Variants in EHMT1 observed in about 807,000 individuals in gnomAD.
EHMT1 encodes the protein euchromatic histone lysine methyltransferase 1.
A neutral mutation model predicts 147.2 loss-of-function variants in EHMT1; 15 were observed. That is an observed-to-expected ratio of 0.10 (90% CI 0.07 to 0.16). The LOEUF (loss-of-function observed/expected upper bound fraction) is 0.16. EHMT1 is among the 10% of genes least tolerant of loss of function. EHMT1 has a pLI of 1.00. For synonymous variants in EHMT1, 795 were observed against 709.6 expected (o/e 1.12, Z -1.91); for missense variants, 1,587 against 1,772.4 (o/e 0.90, Z 1.88).
At chr9:137,695,201 C>T (rs1163542187) in intron 1 of EHMT1, among the ~76,000 whole-genome samples, 1 of 152,234 alleles carries the variant, frequency 6.6e-6, no homozygotes, top group African/African-American at 2.4e-5. Flanking sequence ...GTAAGGAGCA[C>T]TTAGACTGCT....
At chr9:137,715,795 T>C (rs1453315946) in intron 2 of EHMT1, 1 of 985,268 alleles carries the variant, frequency 1.0e-6, no homozygotes. Flanking sequence ...TTTTCTCTGT[T>C]AGTTATTGTG....
chr9:137,802,720 C>G, intron 18 of EHMT1: 1 of 946,126 alleles, frequency 1.1e-6, no homozygotes, highest in Non-Finnish European at 1.4e-6. Flanking sequence ...CCCGCTGCCT[C>G]CCTGCAGGCA....
At chr9:137,725,192 G>A (rs1253096866) in intron 3 of EHMT1, among the ~76,000 whole-genome samples, 1 of 151,066 alleles carries the variant, frequency 6.6e-6, no homozygotes, top group East Asian at 2.0e-4. Flanking sequence ...CAGACGTGGG[G>A]CAGGTGTGTG....
chr9:137,711,428 G>A (rs764185080), intron 2 of EHMT1, among the ~76,000 whole-genome samples: 3 of 152,226 alleles, frequency 2.0e-5, no homozygotes, highest in Non-Finnish European at 4.4e-5. Flanking sequence ...ACAGCGGTCA[G>A]CAGCCCAGAA....
Position 137,834,387 on chromosome 9 carries a change from G to A in EHMT1, c.3579G>A (p.Gly1193=). The change falls in exon 26 of 27, where the codon GGG becomes GGA. Residue 1193 remains glycine, a synonymous_variant. Transcript: ENST00000460843. ...EVYCIDARFY[G]NVSRFINHHC... is the part of the protein sequence containing the mutation. ...ACTGCATCGACGCGCGGTTCTACGGGAACGTCAGCCGGTTCATCAACCACC... is the reference window on the plus strand; with the variant it reads ...ACTGCATCGACGCGCGGTTCTACGGAAACGTCAGCCGGTTCATCAACCACC... 4 of 1,613,270 alleles carry A rather than the reference G, an allele frequency of 2.5e-6. No individual in the cohort carries two copies. Among genetic ancestry groups the A allele is most frequent in the Non-Finnish European group, 3.4e-6 (4 of 1,179,806 alleles).
At position 137,717,019 on chromosome 9, in the gene EHMT1, G is replaced by A; in HGVS notation, c.479G>A (p.Gly160Asp). Residue 160 changes from glycine (G) to aspartate (D), a missense_variant, in exon 3 of 27, where the codon GGC (glycine) becomes GAC (aspartate). By Grantham distance (94) the Gly-to-Asp change is moderately conservative. Transcript: ENST00000460843. ...GCAAAAACCCTTCCTGGAGGGGCTG[G>A]CAAAGGCAGGACTCCAAGCGCTTTT... ...HAAKTLPGGA[G>D]KGRTPSAFPQ... is the part of the protein sequence containing the mutation. 1 of 1,606,684 alleles carries A rather than the reference G, an allele frequency of 6.2e-7. No individual in the cohort carries two copies. The highest frequency in any genetic ancestry group is 8.5e-7 in the Non-Finnish European group (1 of 1,175,374).
intron 25 of EHMT1, chr9:137,832,906 C>T (rs959504627): frequency 1.3e-5 from 2 of 152,236 alleles, no homozygotes; most frequent in African/African-American, 4.8e-5. Flanking sequence ...GATTCTTAGT[C>T]CATCAGACCC....
intron 18 of EHMT1, among the ~76,000 whole-genome samples, chr9:137,805,947 G>A (rs898489942): frequency 6.7e-6 from 1 of 149,922 alleles, no homozygotes; most frequent in African/African-American, 2.5e-5. Context: ...AGGTGTGAGC[G>A]ACTGTGCCCG....
At chr9:137,685,335 T>C (rs912727805) in intron 1 of EHMT1, 20 of 152,368 alleles carry the variant, frequency 1.3e-4, no homozygotes, top group African/African-American at 4.6e-4. Flanking sequence ...CGATATTTCA[T>C]GTAAGTGGAA....
intron 25 of EHMT1, among the ~76,000 whole-genome samples, chr9:137,833,830 G>C (rs886399958): frequency 2.0e-5 from 3 of 152,218 alleles, no homozygotes; most frequent in African/African-American, 7.2e-5. Flanking sequence ...TCCGCCTGAC[G>C]GTCCTCCCTG....
At chr9:137,736,938 C>T (rs1947588263) in intron 4 of EHMT1, among the ~76,000 whole-genome samples, 1 of 151,630 alleles carries the variant, frequency 6.6e-6, no homozygotes, top group South Asian at 2.1e-4. Context: ...TGTGGTGGCT[C>T]AAGCCTGTCA....
chr9:137,641,434 A>G (rs1179161173), intron 1 of EHMT1: 2 of 529,908 alleles, frequency 3.8e-6, no homozygotes, highest in Non-Finnish European at 7.5e-6. Flanking sequence ...GCACTGGTCA[A>G]ACAATGCAGT....
chr9:137,781,206 C>T (rs75984783), intron 14 of EHMT1, among the ~76,000 whole-genome samples: 62 of 86,152 alleles, frequency 7.2e-4, no homozygotes, highest in East Asian at 1.5e-3. Flanking sequence ...GACGCTGAGA[C>T]GTGTGGTGAC....
At chr9:137,729,712 C>T (rs141789043) in intron 4 of EHMT1, among the ~76,000 whole-genome samples, 12 of 152,264 alleles carry the variant, frequency 7.9e-5, no homozygotes, top group African/African-American at 2.2e-4. Flanking sequence ...CCCCCGGCCC[C>T]CCCATGTATT....
intron 1 of EHMT1, among the ~76,000 whole-genome samples, chr9:137,698,156 C>T (rs544403973): frequency 5.9e-5 from 9 of 152,302 alleles, no homozygotes; most frequent in South Asian, 2.1e-4. Context: ...CTGTCACAAG[C>T]GCTGAGGAGG....
rs1475952526 is a variant in EHMT1 at position 137,752,388 on chromosome 9, G to C, written c.1228G>C (p.Gly410Arg). 1.2e-6 allele frequency: 2 copies of C among 1,614,102 alleles called. No individual in the cohort carries two copies. The highest frequency in any genetic ancestry group is 1.7e-6 in the Non-Finnish European group (2 of 1,180,004). Residue 410 changes from glycine to arginine, a missense_variant, in exon 7 of 27, where the codon GGC becomes CGC. Around this residue, in one of 7 missense-constraint regions of EHMT1, gnomAD observed 810 missense variants for 673.0 expected, o/e 1.20. Coordinates refer to ENST00000460843, the MANE Select transcript of EHMT1 (RefSeq NM_024757.5). ...CGTGGACACCGGGGAGGAGGAGGAA[G>C]GCGGTGACGAGTCTGACCTGGTAAT... ...ESVDTGEEEE[G>R]GDESDLSSES...
At chr9:137,767,853 G>A (rs1431639670) in intron 10 of EHMT1, among the ~76,000 whole-genome samples, 1 of 152,088 alleles carries the variant, frequency 6.6e-6, no homozygotes, top group African/African-American at 2.4e-5. Context: ...GAACATTTCT[G>A]TTGAACGTCA....
intron 1 of EHMT1, among the ~76,000 whole-genome samples, chr9:137,646,678 G>A (rs1231923236): frequency 6.6e-6 from 1 of 152,240 alleles, no homozygotes; most frequent in Non-Finnish European, 1.5e-5. Context: ...CACGTGTGTT[G>A]TCATGAGCTC....
At chr9:137,769,685 G>A (rs1237814366) in intron 10 of EHMT1, among the ~76,000 whole-genome samples, 2 of 152,148 alleles carry the variant, frequency 1.3e-5, no homozygotes, top group African/African-American at 4.8e-5. Flanking sequence ...TGAAAATGAT[G>A]TGCCTGAGTG....
Sources: gnomAD v4.1 joint callset for allele counts (sites outside exome capture counted in the v4.1 genomes callset) on GRCh38, gnomAD v4.1.1 for gene constraint, gnomAD v4.1.1 regional missense constraint, MANE v1.5 for transcripts, NCBI Gene and HGNC (gene_info 2026-07-23, HGNC 2026-07-21) for gene names.